KCTD8: variants seen among roughly 807,000 people sequenced by gnomAD.
KCTD8 encodes the protein BTB/POZ domain-containing protein KCTD8.
Under a neutral mutation model 31.5 loss-of-function variants are expected in KCTD8, and 27 were observed. That is an observed-to-expected ratio of 0.86 (90% confidence interval 0.63 to 1.18). The LOEUF (loss-of-function observed/expected upper bound fraction) is 1.18, where lower values mean the gene tolerates loss of function less well. Ranked by LOEUF, KCTD8 falls within the 50% of genes most tolerant of loss-of-function variation. The pLI, the probability that KCTD8 is intolerant of heterozygous loss-of-function variation, is 0.00. For synonymous variants in KCTD8, 290 were observed against 280.0 expected, an observed-to-expected ratio of 1.04 and a Z score of -0.36; for missense variants, 658 against 647.7, an observed-to-expected ratio of 1.02 and a Z score of -0.17.
chr4:44,424,029 T>C (rs1721286296), intron 1 of KCTD8, among the ~76,000 whole-genome samples: 1 of 152,100 alleles, frequency 6.6e-6, no homozygotes, highest in South Asian at 2.1e-4. Flanking sequence ...AGGTAGTTTC[T>C]ATAAGTTTTG....
chr4:44,199,542 C>T (rs1425008282), intron 1 of KCTD8, among the ~76,000 whole-genome samples: 3 of 152,010 alleles, frequency 2.0e-5, no homozygotes, highest in Admixed American at 6.6e-5. Flanking sequence ...AATCAACTTG[C>T]TCCAGAATAA....
At chr4:44,269,547 A>C (rs1214919460) in intron 1 of KCTD8, among the ~76,000 whole-genome samples, 3 of 151,732 alleles carry the variant, frequency 2.0e-5, no homozygotes, top group African/African-American at 7.3e-5. Flanking sequence ...AATGGGATCT[A>C]ATTAAACTAA....
chr4:44,232,474 C>A (rs1450082958), intron 1 of KCTD8, among the ~76,000 whole-genome samples: 3 of 152,108 alleles, frequency 2.0e-5, no homozygotes, highest in Non-Finnish European at 4.4e-5. Context: ...GCCTATGGAG[C>A]CTAACTAATA....
chr4:44,213,810 T>C (rs1003363055), intron 1 of KCTD8, among the ~76,000 whole-genome samples: 65 of 152,154 alleles, frequency 4.3e-4, no homozygotes, highest in African/African-American at 1.4e-3. Context: ...CTAGAGAAGA[T>C]GTGAATATGC....
chr4:44,308,573 T>C (rs1245702856), intron 1 of KCTD8, among the ~76,000 whole-genome samples: 1 of 118,300 alleles, frequency 8.5e-6, no homozygotes, highest in Non-Finnish European at 2.1e-5. Flanking sequence ...TTGTTTGTTA[T>C]AGATATACCT....
At chr4:44,335,327 T>G (rs1196250762) in intron 1 of KCTD8, among the ~76,000 whole-genome samples, 1 of 152,068 alleles carries the variant, frequency 6.6e-6, no homozygotes, top group East Asian at 1.9e-4. Flanking sequence ...AAAAATAAAT[T>G]TATTTCATCT....
At chr4:44,222,334 A>G (rs2109348590) in intron 1 of KCTD8, among the ~76,000 whole-genome samples, 1 of 152,320 alleles carries the variant, frequency 6.6e-6, no homozygotes. Context: ...TTCAAGGACA[A>G]ACTGAAATCA....
At chr4:44,398,550 A>C (rs1720567522) in intron 1 of KCTD8, among the ~76,000 whole-genome samples, 1 of 152,202 alleles carries the variant, frequency 6.6e-6, no homozygotes, top group African/African-American at 2.4e-5. Context: ...GGATACTAGA[A>C]GGGTTTTCAC....
In KCTD8 at chr4:44,424,253, C is replaced by A. The variant is rs950264581; in HGVS notation, c.961+23310G>T. On this transcript the variant is annotated intron_variant, in intron 1 of 1. Transcript: ENST00000360029. ...GGTCTCTCACCACCATCCCCCAACA[C>A]TTCCTCTGGTCATTCAGCAGTCTGG... Among the ~76,000 whole-genome samples, 3 of 152,048 alleles carry A rather than the reference C, an allele frequency of 2.0e-5. No homozygotes were observed. In the South Asian group the frequency reaches 6.2e-4, roughly 31 times the overall value.
intron 1 of KCTD8, among the ~76,000 whole-genome samples, chr4:44,302,979 T>A (rs1250222142): frequency 6.6e-6 from 1 of 152,202 alleles, no homozygotes; most frequent in Non-Finnish European, 1.5e-5. Flanking sequence ...GAGATAATCA[T>A]GTGGTTTTTG....
intron 1 of KCTD8, among the ~76,000 whole-genome samples, chr4:44,198,843 T>C (rs893301087): frequency 6.6e-6 from 1 of 152,042 alleles, no homozygotes; most frequent in Non-Finnish European, 1.5e-5. Flanking sequence ...AAATGCCCCA[T>C]TTAAAAGGCA....
chr4:44,448,541 C>G lies in KCTD8; in HGVS notation c.-18G>C. On this transcript the variant is annotated 5_prime_UTR_variant, in exon 1 of 2. Coordinates refer to ENST00000360029, the MANE Select transcript of KCTD8 (RefSeq NM_198353.3). This position sits in a 1 kb window ranked among gnomAD's most constrained non-coding sequence, Gnocchi z 4.1. Reference sequence around the variant, plus strand: ...AGAGCCATAGTCCCCCCGCCGCCGGCCCAGTGACCCGAGAGAGCTGCACTT... The same window carrying G: ...AGAGCCATAGTCCCCCCGCCGCCGGGCCAGTGACCCGAGAGAGCTGCACTT... 6.9e-7 allele frequency: 1 copy of G among 1,451,668 alleles called. No individual in the cohort carries two copies. Among genetic ancestry groups the G allele is most frequent in the Non-Finnish European group, 9.0e-7 (1 of 1,107,032 alleles). The allele number at this position is 1,451,668 out of a possible 1,614,324, so 89.9% of individuals were successfully genotyped here. A position where few individuals can be genotyped will look rare whatever the true frequency, so the allele number is the denominator to read the frequency against.
intron 1 of KCTD8, among the ~76,000 whole-genome samples, chr4:44,224,875 T>C (rs1714908971): frequency 2.3e-5 from 3 of 132,582 alleles, no homozygotes; most frequent in Non-Finnish European, 3.2e-5. Flanking sequence ...ACCCAGCCAA[T>C]GGGGAAGAGG....
At chr4:44,395,981 C>T (rs1720495499) in intron 1 of KCTD8, among the ~76,000 whole-genome samples, 1 of 152,092 alleles carries the variant, frequency 6.6e-6, no homozygotes, top group Non-Finnish European at 1.5e-5. Context: ...TATTATTGTA[C>T]ACTTTATTTC....
intron 1 of KCTD8, among the ~76,000 whole-genome samples, chr4:44,270,850 G>A (rs1716574967): frequency 6.6e-6 from 1 of 152,008 alleles, no homozygotes; most frequent in African/African-American, 2.4e-5. Flanking sequence ...ATTTAAATAG[G>A]GAGAAGAGGT....
intron 1 of KCTD8, among the ~76,000 whole-genome samples, chr4:44,255,440 A>C (rs1371585623): frequency 2.6e-5 from 4 of 151,882 alleles, no homozygotes; most frequent in Non-Finnish European, 5.9e-5. Flanking sequence ...GCATTTAAAA[A>C]ATTTTGTTAA....
chr4:44,331,991 A>C (rs923925546), intron 1 of KCTD8, among the ~76,000 whole-genome samples: 1 of 151,832 alleles, frequency 6.6e-6, no homozygotes, highest in Non-Finnish European at 1.5e-5. Flanking sequence ...AAGTAATAAA[A>C]AAATTAAAAT....
chr4:44,238,692 GTTTAT>G (rs1715361698), intron 1 of KCTD8, among the ~76,000 whole-genome samples: 1 of 152,026 alleles, frequency 6.6e-6, no homozygotes, highest in African/African-American at 2.4e-5. Context: ...GATTTTCATA[GTTTAT>G]TTTCTGTTTC....
At chr4:44,234,374 T>A (rs563204922) in intron 1 of KCTD8, among the ~76,000 whole-genome samples, 1 of 152,130 alleles carries the variant, frequency 6.6e-6, no homozygotes, top group African/African-American at 2.4e-5. Context: ...TCAGGGCAGA[T>A]GAAGTCATAA....
Sources: allele counts gnomAD v4.1 joint callset (sites outside exome capture counted in the v4.1 genomes callset), GRCh38; gene constraint gnomAD v4.1.1; non-coding constraint Gnocchi (gnomAD v3.1); transcripts MANE v1.5; gene names NCBI Gene and HGNC (gene_info 2026-07-23, HGNC 2026-07-21).